ANAPC10: variants seen among roughly 807,000 people sequenced by gnomAD.
ANAPC10 encodes anaphase-promoting complex subunit 10.
ANAPC10 carries 12 observed loss-of-function variants against 22.0 expected under a neutral mutation model. The observed-to-expected ratio is 0.55, with a 90% CI of 0.35 to 0.88. The LOEUF (loss-of-function observed/expected upper bound fraction) is 0.88. Among genes scored for constraint, ANAPC10 ranks in the 40% least tolerant of loss-of-function variants. The pLI is 0.01. For synonymous variants in ANAPC10, 65 were observed against 69.5 expected (o/e 0.94, Z 0.32); for missense variants, 188 against 220.9 (o/e 0.85, Z 0.94).
At position 145,077,166 on chromosome 4, in the gene ANAPC10, T is replaced by A. The variant is rs1374760381; in HGVS notation, c.206+4494A>T. 2.0e-5 allele frequency among the ~76,000 whole-genome samples: 3 copies of A among 151,954 alleles called. No homozygotes were observed. The East Asian group carries it at 5.8e-4, about 29-fold the overall frequency. On this transcript the variant is annotated intron_variant, in intron 3 of 4. Coordinates refer to ENST00000507656, the MANE Select transcript of ANAPC10 (RefSeq NM_001256706.2). The stretch of plus-strand genomic sequence containing the variant: ...GTGAGCCGAGATCGTGCCACTGCAC[T>A]CCAGCCTGGGCGACAGAGCAAGACT...
intron 4 of ANAPC10, 111 bp from the exon 5 acceptor site, chr4:144,995,714 G>T: frequency 1.3e-6 from 1 of 743,918 alleles, no homozygotes; most frequent in Non-Finnish European, 2.1e-6. Context: ...CTCAACGAAA[G>T]AATGACAATA....
chr4:145,011,427 C>T (rs541575400), intron 4 of ANAPC10, among the ~76,000 whole-genome samples: 3 of 149,058 alleles, frequency 2.0e-5, no homozygotes, highest in Non-Finnish European at 3.0e-5. Context: ...AAGCCAATGC[C>T]CCTGCTGAGA....
intron 4 of ANAPC10, among the ~76,000 whole-genome samples, chr4:145,025,883 GC>G (rs1736587687): frequency 2.0e-5 from 3 of 152,112 alleles, no homozygotes. Flanking sequence ...ATTCTTACCT[GC>G]CCCCAGTGTG....
chr4:145,053,476 C>T (rs1325706110), intron 4 of ANAPC10, among the ~76,000 whole-genome samples: 1 of 152,134 alleles, frequency 6.6e-6, no homozygotes, highest in African/African-American at 2.4e-5. Context: ...ATCCAATTAG[C>T]TAATTATCAT....
chr4:145,059,968 A>T (rs1742643346), intron 4 of ANAPC10, among the ~76,000 whole-genome samples: 1 of 152,110 alleles, frequency 6.6e-6, no homozygotes, highest in South Asian at 2.1e-4. Flanking sequence ...TACCATCTTG[A>T]TTTGAAAATT....
At chr4:145,093,807 G>GA (rs1748077776) in intron 2 of ANAPC10, among the ~76,000 whole-genome samples, 1 of 151,446 alleles carries the variant, frequency 6.6e-6, no homozygotes, top group African/African-American at 2.4e-5. Context: ...CAAAAAAAGT[G>GA]AAAAAAAATA....
Position 144,995,381 on chromosome 4 carries a change from T to C in ANAPC10, c.550A>G (p.Ile184Val). 1 of 1,604,476 alleles carries C rather than the reference T, an allele frequency of 6.2e-7. No individual in the cohort carries two copies. The highest frequency in any genetic ancestry group is 8.5e-7 in the Non-Finnish European group (1 of 1,173,016). The change falls in exon 5 of 5, where the codon ATA becomes GTA. Residue 184 changes from isoleucine to valine, a missense_variant. Transcript: ENST00000507656. ...TTIDFMMYRS[I>V]R ...TTCGTCTCATTTTAAAGTCACCTTA[T>C]TGAACGATACATCATGAAATCTATA...
chr4:145,036,091 A>G (rs1434284718), intron 4 of ANAPC10, among the ~76,000 whole-genome samples: 1 of 152,204 alleles, frequency 6.6e-6, no homozygotes, highest in Non-Finnish European at 1.5e-5. Flanking sequence ...AAAACAAAAT[A>G]ATGCCTAAAA....
At chr4:145,000,233 G>A (rs926154467) in intron 4 of ANAPC10, among the ~76,000 whole-genome samples, 49 of 151,982 alleles carry the variant, frequency 3.2e-4, no homozygotes, top group Middle Eastern at 3.4e-3. Context: ...GCTTCTGCAC[G>A]GCAAAAGAAA....
chr4:145,092,658 A>G (rs1747862272), intron 2 of ANAPC10, among the ~76,000 whole-genome samples: 1 of 152,164 alleles, frequency 6.6e-6, no homozygotes, highest in Non-Finnish European at 1.5e-5. Context: ...TTACACATAA[A>G]GACTGGGAGA....
intron 3 of ANAPC10, among the ~76,000 whole-genome samples, chr4:145,073,697 C>T (rs925812360): frequency 2.0e-4 from 30 of 152,132 alleles, no homozygotes; most frequent in Admixed American, 7.2e-4. Flanking sequence ...CATTATTAAA[C>T]TATCAAAATT....
chr4:145,006,525 C>T (rs763697345), intron 4 of ANAPC10, among the ~76,000 whole-genome samples: 16 of 152,094 alleles, frequency 1.1e-4, no homozygotes, highest in Non-Finnish European at 1.2e-4. Flanking sequence ...TTGAATTTCA[C>T]TTCTGATCAG....
At chr4:145,095,214 C>A (rs867850060) in intron 2 of ANAPC10, among the ~76,000 whole-genome samples, 1 of 152,126 alleles carries the variant, frequency 6.6e-6, no homozygotes, top group Non-Finnish European at 1.5e-5. Flanking sequence ...GTTTCATCTC[C>A]GCAGTTTCAG....
chr4:145,078,495 C>A (rs145112807), intron 3 of ANAPC10, among the ~76,000 whole-genome samples: 1 of 152,116 alleles, frequency 6.6e-6, no homozygotes, highest in Non-Finnish European at 1.5e-5. Context: ...AATCAAACTA[C>A]TGACAGTTTT....
rs963484160 is a variant in ANAPC10 at position 145,091,464 on chromosome 4, C to T, written c.115+4521G>A. Reference sequence around the variant, plus strand: ...ATCATATTTACAGGAATATTTGATACAATAATGGATATTAAGGAATTCCAA... The same window carrying T: ...ATCATATTTACAGGAATATTTGATATAATAATGGATATTAAGGAATTCCAA... On this transcript the variant is annotated intron_variant, in intron 2 of 4. Coordinates refer to ENST00000507656, the MANE Select transcript of ANAPC10 (RefSeq NM_001256706.2). 5.3e-5 allele frequency among the ~76,000 whole-genome samples: 8 copies of T among 151,790 alleles called. No individual in the cohort carries two copies. The East Asian group carries it at 9.7e-4, about 18-fold the overall frequency.
At chr4:145,096,686 T>A (rs545768360) in intron 1 of ANAPC10, among the ~76,000 whole-genome samples, 1 of 152,314 alleles carries the variant, frequency 6.6e-6, no homozygotes, top group African/African-American at 2.4e-5. Flanking sequence ...ATTCTAGGAA[T>A]ATATAAATAT....
intron 3 of ANAPC10, among the ~76,000 whole-genome samples, chr4:145,080,800 G>A (rs1216630160): frequency 1.3e-5 from 2 of 151,634 alleles, no homozygotes; most frequent in Non-Finnish European, 2.9e-5. Flanking sequence ...CCAGTTACTC[G>A]GAAGGCTGAG....
chr4:145,010,978 A>C (rs1423277422), intron 4 of ANAPC10, among the ~76,000 whole-genome samples: 1 of 152,122 alleles, frequency 6.6e-6, no homozygotes, highest in Non-Finnish European at 1.5e-5. Context: ...GCAAGACAGA[A>C]AGCTTCCACA....
intron 4 of ANAPC10, among the ~76,000 whole-genome samples, chr4:145,001,112 A>G (rs1362476567): frequency 6.6e-6 from 1 of 151,796 alleles, no homozygotes; most frequent in Non-Finnish European, 1.5e-5. Flanking sequence ...GCAGCAAACC[A>G]ACATGGTACA....
Sources: allele counts gnomAD v4.1 joint callset (sites outside exome capture counted in the v4.1 genomes callset), GRCh38; gene constraint gnomAD v4.1.1; transcripts MANE v1.5; gene names NCBI Gene and HGNC (gene_info 2026-07-23, HGNC 2026-07-21).